Variants in ZNF419 observed in about 807,000 individuals in gnomAD.
ZNF419 encodes zinc finger protein 419.
Under a neutral mutation model 14.9 loss-of-function variants are expected in ZNF419, and 8 were observed. The ratio of observed to expected loss-of-function variants is 0.54; its 90% CI spans 0.32 to 0.97. The LOEUF (loss-of-function observed/expected upper bound fraction) is 0.97, where lower values mean the gene tolerates loss of function less well. Ranked by LOEUF, ZNF419 falls within the 50% of genes least tolerant of loss-of-function variation. The probability of loss-of-function intolerance (pLI) is 0.04; values close to 1 mark genes in which losing one functional copy is unlikely to be tolerated. For missense variants in ZNF419, 595 were observed against 607.2 expected (o/e 0.98, Z 0.21); for synonymous variants, 211 against 205.3 (o/e 1.03, Z -0.24).
At chr19:57,492,677 C>T in intron 4 of ZNF419, 179 bp from the exon 5 acceptor site, 2 of 896,376 alleles carry the variant, frequency 2.2e-6, no homozygotes, top group Non-Finnish European at 3.7e-6. Context: ...CTCCCCAAAT[C>T]CTTGAGCTGG....
rs1243024162 is a variant in ZNF419 at position 57,496,075 on chromosome 19, T to C, written c.*1985T>C. 2 of 152,182 alleles carry C rather than the reference T, an allele frequency of 1.3e-5. No individual in the cohort carries two copies. The highest frequency in any genetic ancestry group is 2.9e-5 in the Non-Finnish European group (2 of 68,026). The allele number at this position is 152,182 out of a possible 1,614,324, so 9.4% of individuals were successfully genotyped here. ...AGGAAATACTGCATTGGAAAATAAA[T>C]AAATGTTCACAGAATAATGTTGACA... On this transcript the variant is annotated 3_prime_UTR_variant, in exon 5 of 5. Coordinates refer to ENST00000221735, the MANE Select transcript of ZNF419 (RefSeq NM_024691.4).
At position 57,493,257 on chromosome 19, in the gene ZNF419, A is replaced by G. The variant is rs751475668; in HGVS notation, c.700A>G (p.Ser234Gly). ...TGCTGGGAAAAAGACGTATGAATGCAGTGAATGTGGGAAGTTATTTAGAGA... is the reference window on the plus strand; with the variant it reads ...TGCTGGGAAAAAGACGTATGAATGCGGTGAATGTGGGAAGTTATTTAGAGA... ...LHAGKKTYEC[S>G]ECGKLFRDMS... The change falls in exon 5 of 5, where the codon AGT becomes GGT. Residue 234 changes from serine (S) to glycine (G), a missense_variant. By Grantham distance (56) the Ser-to-Gly change is moderately conservative (BLOSUM62 0). Coordinates refer to ENST00000221735, the MANE Select transcript of ZNF419 (RefSeq NM_024691.4). 3.1e-6 allele frequency: 5 copies of G among 1,614,164 alleles called. No homozygotes were observed. Among genetic ancestry groups the G allele is most frequent in the Non-Finnish European group, 3.4e-6 (4 of 1,180,066 alleles).
chr19:57,492,339 C>A, intron 4 of ZNF419, 128 bp downstream of exon 4: 1 of 1,073,582 alleles, frequency 9.3e-7, no homozygotes, highest in Non-Finnish European at 1.5e-6. Flanking sequence ...TCCTTAGTCA[C>A]CCATTTATAT....
chr19:57,487,769 C>A lies in ZNF419; in HGVS notation c.-182C>A. The A allele has an allele frequency of 1.3e-6, 1 of 786,512 alleles. No homozygotes were observed. Among genetic ancestry groups the A allele is most frequent in the Non-Finnish European group, 2.1e-6 (1 of 483,434 alleles). 48.7% of individuals were successfully genotyped at this position (786,512 alleles called of 1,614,324 possible). On this transcript the variant is annotated 5_prime_UTR_variant, in exon 1 of 5. Coordinates refer to ENST00000221735, the MANE Select transcript of ZNF419 (RefSeq NM_024691.4). The stretch of plus-strand genomic sequence containing the variant: ...TCGTTTGGTATTCACTTTCGCGACT[C>A]AGGTGAACTAACCTGCGAGAAGCTG...
chr19:57,491,739 G>A (rs748087633), intron 3 of ZNF419, 142 bp downstream of exon 3: 180 of 1,219,986 alleles, frequency 1.5e-4, no homozygotes, highest in Non-Finnish European at 2.0e-4. Context: ...ATTGTAATAG[G>A]CCTGGGCTGT....
rs1435531025 is a variant in ZNF419 at position 57,492,202 on chromosome 19, A to G, written c.289A>G (p.Ile97Val). 6.2e-7 allele frequency: 1 copy of G among 1,613,986 alleles called. No homozygotes were observed. Among genetic ancestry groups the G allele is most frequent in the Non-Finnish European group, 8.5e-7 (1 of 1,180,024 alleles). Residue 97 changes from isoleucine (I) to valine (V), a missense_variant, in exon 4 of 5, where the codon ATA (isoleucine) becomes GTA (valine). Ile to Val is a conservative substitution (Grantham distance 29, BLOSUM62 3). Coordinates refer to ENST00000221735, the MANE Select transcript of ZNF419 (RefSeq NM_024691.4). ...MPAWEVVTSA[I>V]PRGCWHGAEA... is the part of the protein sequence containing the mutation. ...TGCTTGGGAAGTTGTGACTTCAGCC[A>G]TACCGAGAGGTAGTTGGTGGGTGGA...
At chr19:57,488,057 G>A in intron 1 of ZNF419, 74 bp downstream of exon 1, 1 of 1,599,584 alleles carries the variant, frequency 6.3e-7, no homozygotes, top group Non-Finnish European at 8.5e-7. Context: ...GTCCCCGGGT[G>A]CAGAACTGTG....
At position 57,494,322 on chromosome 19, in the gene ZNF419, C is replaced by T; in HGVS notation, c.*232C>T. The T allele has an allele frequency of 1.7e-6, 1 of 599,634 alleles. No individual in the cohort carries two copies. The highest frequency in any genetic ancestry group is 2.7e-6 in the Non-Finnish European group (1 of 364,072). The allele number at this position is 599,634 out of a possible 1,614,324, so 37.1% of individuals were successfully genotyped here. A position where few individuals can be genotyped will look rare whatever the true frequency, so the allele number is the denominator to read the frequency against. On this transcript the variant is annotated 3_prime_UTR_variant, in exon 5 of 5. Transcript: ENST00000221735. ...ACACTGGAGAAAGGCCTTAGGGTGA[C>T]AGGTTATGTACTGTCTCTGAATCAA...
rs769690796 is a variant in ZNF419 at position 57,492,888 on chromosome 19, C to T, written c.331C>T (p.Pro111Ser). ...GCATGGAGCCGAGGCTGAGGAGGCT[C>T]CTGAGCAGATTGCTTCTGTAGGACT... ...CWHGAEAEEA[P>S]EQIASVGLLS... The change falls in exon 5 of 5, where the codon CCT becomes TCT. Residue 111 changes from proline to serine, a missense_variant. Pro to Ser is a moderately conservative substitution (Grantham distance 74). Coordinates refer to ENST00000221735, the MANE Select transcript of ZNF419 (RefSeq NM_024691.4). 3.8e-5 allele frequency: 61 copies of T among 1,613,894 alleles called. No individual in the cohort carries two copies. The Middle Eastern group carries it at 6.6e-4, about 17-fold the overall frequency.
Position 57,494,031 on chromosome 19 carries a change from T to A in ZNF419, c.1474T>A (p.Phe492Ile). Reference protein sequence around the residue: ...PYECRECGKFFRHNSSLFKHR... With the variant: ...PYECRECGKFIRHNSSLFKHR... ...TGAGTGCAGGGAATGTGGGAAGTTT[T>A]TTCGCCACAACTCCAGTCTTTTTAA... is the stretch of plus-strand genomic sequence containing the variant. Residue 492 changes from phenylalanine (F) to isoleucine (I), a missense_variant, in exon 5 of 5, where the codon TTT (phenylalanine) becomes ATT (isoleucine). Phe to Ile is a conservative substitution (Grantham distance 21). Transcript: ENST00000221735. 2 of 1,613,230 alleles carry A rather than the reference T, an allele frequency of 1.2e-6. No individual in the cohort carries two copies. The highest frequency in any genetic ancestry group is 1.7e-6 in the Non-Finnish European group (2 of 1,179,748).
chr19:57,491,284 T>A, intron 2 of ZNF419, 187 bp from the exon 3 acceptor site: 1 of 781,628 alleles, frequency 1.3e-6, no homozygotes, highest in Non-Finnish European at 2.0e-6. Context: ...GGACTTTATC[T>A]GCCTACCTGC....
In ZNF419 at chr19:57,494,140, G is replaced by A; in HGVS notation, c.*50G>A. On this transcript the variant is annotated 3_prime_UTR_variant, in exon 5 of 5. Coordinates refer to ENST00000221735, the MANE Select transcript of ZNF419 (RefSeq NM_024691.4). ...TTTCAACCTCATTCAACACCAGAAA[G>A]TTCACAGTGGAAAAAATCTTGAAGG... 5.9e-6 allele frequency: 9 copies of A among 1,537,794 alleles called. No individual in the cohort carries two copies. The highest frequency in any genetic ancestry group is 3.5e-4 in the Middle Eastern group (2 of 5,676).
At chr19:57,489,216 C>T (rs2089426762) in intron 1 of ZNF419, 1 of 152,164 alleles carries the variant, frequency 6.6e-6, no homozygotes, top group Non-Finnish European at 1.5e-5. Context: ...ATGGTATGTG[C>T]TCAGGTTTCT....
intron 1 of ZNF419, chr19:57,488,478 A>T (rs67307910): frequency 0.38 from 58,619 of 154,544 alleles, 11,716 homozygotes; most frequent in African/African-American, 0.49. Flanking sequence ...TTGGATGGAT[A>T]TCAAAAACTG....
chr19:57,491,387 T>C, intron 2 of ZNF419, 84 bp from the exon 3 acceptor site: 1 of 1,576,910 alleles, frequency 6.3e-7, no homozygotes, highest in Non-Finnish European at 8.6e-7. Context: ...AGGAAGAGGG[T>C]GAGCAGGGGT....
At position 57,493,283 on chromosome 19, in the gene ZNF419, TATGTCC is replaced by T. The variant is rs2089539914; in HGVS notation, c.728_733del (p.Met243_Ser244del). On this transcript the variant is annotated inframe_deletion, in exon 5 of 5. Transcript: ENST00000221735. ...GTGAATGTGGGAAGTTATTTAGAGA[TATGTCC>T]AACCTTTTTATACACCAAATAGTTC... The T allele has an allele frequency of 6.2e-7, 1 of 1,614,064 alleles. No homozygotes were observed. Among genetic ancestry groups the T allele is most frequent in the Non-Finnish European group, 8.5e-7 (1 of 1,180,048 alleles).
rs1195473311 is a variant in ZNF419 at position 57,495,699 on chromosome 19, C to T, written c.*1609C>T. 1 of 133,728 alleles carries T rather than the reference C, an allele frequency of 7.5e-6. No individual in the cohort carries two copies. The allele number at this position is 133,728 out of a possible 1,614,324, so 8.3% of individuals were successfully genotyped here. Reference sequence around the variant, plus strand: ...CGAGATTGCGCCACTGCACTCCAGCCTGGGGCACAAAGCCAGACTCTGTCT... The same window carrying T: ...CGAGATTGCGCCACTGCACTCCAGCTTGGGGCACAAAGCCAGACTCTGTCT... On this transcript the variant is annotated 3_prime_UTR_variant, in exon 5 of 5. Transcript: ENST00000221735.
rs769545991 is a variant in ZNF419, at chr19:57,491,594, C to T, written c.196C>T (p.Leu66=). 6.2e-7 allele frequency: 1 copy of T among 1,614,108 alleles called. No homozygotes were observed. Among genetic ancestry groups the T allele is most frequent in the South Asian group, 1.1e-5 (1 of 91,080 alleles). The change falls in exon 3 of 5, where the codon CTG becomes TTG. Residue 66 remains leucine (L), a synonymous_variant. Coordinates refer to ENST00000221735, the MANE Select transcript of ZNF419 (RefSeq NM_024691.4). ...MLENFTLLAS[L]GLASSKTHEI... Reference sequence around the variant, plus strand: ...GGAGAACTTTACACTTCTGGCCTCTCTGGGTAAGGTTCTCACACCCCACCC... The same window carrying T: ...GGAGAACTTTACACTTCTGGCCTCTTTGGGTAAGGTTCTCACACCCCACCC...
In ZNF419 at chr19:57,492,893, G is replaced by A; in HGVS notation, c.336G>A (p.Glu112=). 6.2e-7 allele frequency: 1 copy of A among 1,614,122 alleles called. No individual in the cohort carries two copies. Among genetic ancestry groups the A allele is most frequent in the Non-Finnish European group, 8.5e-7 (1 of 1,179,982 alleles). The change falls in exon 5 of 5, where the codon GAG becomes GAA. Residue 112 remains glutamate (E), a synonymous_variant. Transcript: ENST00000221735. ...GAGCCGAGGCTGAGGAGGCTCCTGA[G>A]CAGATTGCTTCTGTAGGACTGCTCA... ...WHGAEAEEAP[E]QIASVGLLSS... is the part of the protein sequence containing the mutation.
Sources: gnomAD v4.1 joint callset for allele counts on GRCh38, gnomAD v4.1.1 for gene constraint, MANE v1.5 for transcripts, NCBI Gene and HGNC (gene_info 2026-07-23, HGNC 2026-07-21) for gene names.